The following ALDH1L1 variants were observed in gnomAD, a reference collection of about 807,000 sequenced individuals.
The protein encoded by ALDH1L1 is aldehyde dehydrogenase 1 family member L1.
A neutral mutation model predicts 101.1 loss-of-function variants in ALDH1L1; 68 were observed. That is an observed-to-expected ratio of 0.67 (90% CI 0.55 to 0.82). The LOEUF (loss-of-function observed/expected upper bound fraction) is 0.82, where lower values mean the gene tolerates loss of function less well. Ranked by LOEUF, ALDH1L1 falls within the 40% of genes least tolerant of loss-of-function variation. ALDH1L1 has a pLI of 0.00. For missense variants in ALDH1L1, 1,087 were observed against 1,172.7 expected, an observed-to-expected ratio of 0.93 and a Z score of 1.07; for synonymous variants, 486 against 470.8, an observed-to-expected ratio of 1.03 and a Z score of -0.42.
At chr3:126,113,302 G>C (rs1213530146) in intron 18 of ALDH1L1, among the ~76,000 whole-genome samples, 6 of 152,200 alleles carry the variant, frequency 3.9e-5, no homozygotes. Context: ...AGCCGTGTGT[G>C]TAAGCATGGA....
At position 126,153,515 on chromosome 3, in the gene ALDH1L1, T is replaced by C. The variant is rs767780674; in HGVS notation, c.787A>G (p.Ile263Val). 3 of 1,614,004 alleles carry C rather than the reference T, an allele frequency of 1.9e-6. No homozygotes were observed. Among genetic ancestry groups the C allele is most frequent in the Admixed American group, 1.7e-5 (1 of 60,008 alleles). Residue 263 changes from isoleucine to valine, a missense_variant, in exon 7 of 23, where the codon ATC (isoleucine) becomes GTC (valine). Physicochemically the swap from Ile to Val is conservative, Grantham distance 29 (BLOSUM62 3). This residue lies in a region of ALDH1L1 where 645 missense variants were observed against 637.0 expected (regional missense o/e 1.01). Coordinates refer to ENST00000393434, the MANE Select transcript of ALDH1L1 (RefSeq NM_012190.4). ...ACCCCTGGCCGATGGGCTCCTGGGA[T>C]GGGCAAAGCGTCTCCCTCGGGCACC... Reference protein sequence around the residue: ...GLVPEGDALPIPGAHRPGVVT... With the variant: ...GLVPEGDALPVPGAHRPGVVT...
At position 126,123,257 on chromosome 3, in the gene ALDH1L1, CTT is replaced by C. The variant is rs138624090; in HGVS notation, c.1888+1105_1888+1106del. On this transcript the variant is annotated intron_variant, in intron 16 of 22. Transcript: ENST00000393434. Reference sequence around the variant, plus strand: ...CAAGGTGTGAGGTATCACCAAAACTCTTTTTTTTTTTTTTTTTTGAGACAGAG... The same window carrying C: ...CAAGGTGTGAGGTATCACCAAAACTCTTTTTTTTTTTTTTTTGAGACAGAG... 5.4e-4 allele frequency among the ~76,000 whole-genome samples: 75 copies of C among 138,660 alleles called. 1 individual carries two copies. Among genetic ancestry groups the C allele is most frequent in the African/African-American group, 1.4e-3 (53 of 36,836 alleles). The allele number at this position is 138,660 out of a possible 152,430, so 91.0% of individuals were successfully genotyped here.
intron 1 of ALDH1L1, among the ~76,000 whole-genome samples, chr3:126,187,559 C>T (rs970828981): frequency 2.6e-5 from 4 of 152,130 alleles, no homozygotes; most frequent in African/African-American, 9.7e-5. Context: ...TGAAGGCACA[C>T]CTCAGTTTAC....
At position 126,103,882 on chromosome 3, in the gene ALDH1L1, C is replaced by T. The variant is rs200748885; in HGVS notation, c.2654-36G>A. Reference sequence around the variant, plus strand: ...CCACAAAGGTCACAGCAGCTCCCACCACAGGCAGGGCACTGCTCGGGGCTG... The same window carrying T: ...CCACAAAGGTCACAGCAGCTCCCACTACAGGCAGGGCACTGCTCGGGGCTG... On this transcript the variant is annotated intron_variant, in intron 22 of 22. Transcript: ENST00000393434. 4 of 1,607,746 alleles carry T rather than the reference C, an allele frequency of 2.5e-6. No individual in the cohort carries two copies. The African/African-American group carries it at 4.0e-5, about 16-fold the overall frequency.
chr3:126,129,940 C>G lies in ALDH1L1; in HGVS notation c.1694+283G>C, dbSNP rs576548421. The G allele has an allele frequency of 1.9e-5, 5 of 257,816 alleles. No individual in the cohort carries two copies. In the South Asian group the frequency reaches 5.8e-4, roughly 30 times the overall value. 16.0% of individuals were successfully genotyped at this position (257,816 alleles called of 1,614,324 possible). On this transcript the variant is annotated intron_variant, in intron 14 of 22. Coordinates refer to ENST00000393434, the MANE Select transcript of ALDH1L1 (RefSeq NM_012190.4). ...TCAGTGCTGTGCAGGAGTTCCTCATCTTTATGAACACTGACCACCATACCC... is the reference window on the plus strand; with the variant it reads ...TCAGTGCTGTGCAGGAGTTCCTCATGTTTATGAACACTGACCACCATACCC...
intron 1 of ALDH1L1, among the ~76,000 whole-genome samples, chr3:126,170,424 TAAAA>T (rs59239455): frequency 8.2e-6 from 1 of 121,222 alleles, no homozygotes; most frequent in Non-Finnish European, 1.7e-5. Context: ...TGCCTGTCAT[TAAAA>T]AAAAAAAAAA....
chr3:126,166,813 A>G (rs554565848), intron 1 of ALDH1L1, among the ~76,000 whole-genome samples: 8 of 152,280 alleles, frequency 5.3e-5, no homozygotes, highest in African/African-American at 1.9e-4. Flanking sequence ...AATGTTACAT[A>G]AGTTGGCACT....
At chr3:126,157,945 C>T (rs1410505243) in intron 3 of ALDH1L1, among the ~76,000 whole-genome samples, 1 of 152,194 alleles carries the variant, frequency 6.6e-6, no homozygotes, top group East Asian at 1.9e-4. Context: ...TCTGTCCCCT[C>T]AGAGTACCTT....
chr3:126,112,691 C>T, intron 19 of ALDH1L1, 91 bp downstream of exon 19: 2 of 1,287,366 alleles, frequency 1.6e-6, no homozygotes, highest in Non-Finnish European at 1.1e-6. Flanking sequence ...CCTCACTTGA[C>T]CCTGCCCTGT....
At chr3:126,190,338 T>C (rs1256745984) in intron 1 of ALDH1L1, among the ~76,000 whole-genome samples, 1 of 152,198 alleles carries the variant, frequency 6.6e-6, no homozygotes, top group Non-Finnish European at 1.5e-5. Flanking sequence ...TCAACTCTTT[T>C]AGCAATTTTA....
At chr3:126,171,622 T>C (rs2081277928) in intron 1 of ALDH1L1, among the ~76,000 whole-genome samples, 1 of 152,204 alleles carries the variant, frequency 6.6e-6, no homozygotes, top group Admixed American at 6.5e-5. Flanking sequence ...AATCCCCTTC[T>C]GGTTTTGGCA....
chr3:126,150,315 C>T (rs1007437936), intron 8 of ALDH1L1, 91 bp downstream of exon 8: 62 of 1,484,970 alleles, frequency 4.2e-5, no homozygotes, highest in Non-Finnish European at 4.7e-5. Flanking sequence ...AGAGGGCTGG[C>T]GCTGCCCAAC....
chr3:126,148,699 C>G (rs921012565), intron 8 of ALDH1L1, among the ~76,000 whole-genome samples: 4 of 150,794 alleles, frequency 2.7e-5, no homozygotes, highest in African/African-American at 9.8e-5. Flanking sequence ...GTACTGAGGG[C>G]ACCTACTGCA....
intron 1 of ALDH1L1, among the ~76,000 whole-genome samples, chr3:126,190,031 A>G (rs1446712623): frequency 6.6e-6 from 1 of 152,224 alleles, no homozygotes; most frequent in Non-Finnish European, 1.5e-5. Flanking sequence ...GTCCAGTAAC[A>G]TAGATTCCTC....
At chr3:126,168,560 C>T (rs991304099) in intron 1 of ALDH1L1, among the ~76,000 whole-genome samples, 2 of 152,032 alleles carry the variant, frequency 1.3e-5, no homozygotes, top group Non-Finnish European at 2.9e-5. Context: ...AAAAACTTAA[C>T]GGTAATCTAA....
chr3:126,165,900 T>C (rs1481704513), intron 1 of ALDH1L1, among the ~76,000 whole-genome samples: 2 of 152,236 alleles, frequency 1.3e-5, no homozygotes, highest in Admixed American at 6.5e-5. Context: ...TGATCTTTTG[T>C]ATGGATTTTT....
rs149145858 is a variant in ALDH1L1 at position 126,153,534 on chromosome 3, G to A, written c.768C>T (p.Pro256=). ...CTGGGATGGGCAAAGCGTCTCCCTCGGGCACCAGGCCTGAAGTGTTCAGCG... is the reference window on the plus strand; with the variant it reads ...CTGGGATGGGCAAAGCGTCTCCCTCAGGCACCAGGCCTGAAGTGTTCAGCG... ...NSTLNTSGLV[P]EGDALPIPGA... Residue 256 remains proline (P), a synonymous_variant, in exon 7 of 23, where the codon CCC becomes CCT. Coordinates refer to ENST00000393434, the MANE Select transcript of ALDH1L1 (RefSeq NM_012190.4). The A allele has an allele frequency of 1.9e-5, 31 of 1,614,034 alleles. No individual in the cohort carries two copies. Among genetic ancestry groups the A allele is most frequent in the East Asian group, 4.5e-5 (2 of 44,888 alleles).
chr3:126,133,922 C>T (rs755859215), intron 12 of ALDH1L1, among the ~76,000 whole-genome samples: 6 of 152,206 alleles, frequency 3.9e-5, no homozygotes, highest in Non-Finnish European at 5.9e-5. Flanking sequence ...CAGCTGGATA[C>T]GGCTGCTCCT....
At chr3:126,194,440 A>G (rs2081570490) in intron 1 of ALDH1L1, among the ~76,000 whole-genome samples, 1 of 152,214 alleles carries the variant, frequency 6.6e-6, no homozygotes, top group Non-Finnish European at 1.5e-5. Context: ...AAGCCTATCA[A>G]ATATGTTAAA....
Sources: allele counts gnomAD v4.1 joint callset (sites outside exome capture counted in the v4.1 genomes callset), GRCh38; gene constraint gnomAD v4.1.1; regional missense constraint gnomAD v4.1.1; transcripts MANE v1.5; gene names NCBI Gene and HGNC (gene_info 2026-07-23, HGNC 2026-07-21).